APP: variants seen among roughly 807,000 people sequenced by gnomAD.
APP encodes the protein amyloid-beta precursor protein.
In APP, 31 loss-of-function variants were observed where a neutral mutation model predicts 101.4. That is an observed-to-expected ratio of 0.31 (90% CI 0.23 to 0.41). The LOEUF (loss-of-function observed/expected upper bound fraction) is 0.41. Among genes scored for constraint, APP ranks in the 10% least tolerant of loss-of-function variants. APP has a pLI of 1.00. For synonymous variants in APP, 366 were observed against 364.4 expected, an observed-to-expected ratio of 1.00 and a Z score of -0.05; for missense variants, 839 against 1,003.7, an observed-to-expected ratio of 0.84 and a Z score of 2.22.
intron 1 of APP, among the ~76,000 whole-genome samples, chr21:26,163,065 TA>T (rs140862192): frequency 8.7e-4 from 108 of 123,484 alleles, no homozygotes; most frequent in African/African-American, 1.0e-3. Context: ...CTGTCTCTAC[TA>T]AAAAAAAAAA....
chr21:25,912,210 G>T (rs2039111449), intron 13 of APP, among the ~76,000 whole-genome samples: 1 of 152,230 alleles, frequency 6.6e-6, no homozygotes, highest in African/African-American at 2.4e-5. Flanking sequence ...GCAGGCAGGA[G>T]CATGGCAGCC....
intron 3 of APP, among the ~76,000 whole-genome samples, chr21:26,075,534 T>G (rs961864617): frequency 6.6e-6 from 1 of 152,224 alleles, no homozygotes; most frequent in Non-Finnish European, 1.5e-5. Context: ...TAATCAGTTT[T>G]TTCCCCAATC....
chr21:26,140,299 C>T (rs1251105152), intron 1 of APP: 1 of 1,533,646 alleles, frequency 6.5e-7, no homozygotes, highest in Admixed American at 2.0e-5. Flanking sequence ...CACAACTTGA[C>T]CCAGGCCAGA....
intron 1 of APP, among the ~76,000 whole-genome samples, chr21:26,144,078 G>C (rs528637240): frequency 6.6e-6 from 1 of 152,222 alleles, no homozygotes; most frequent in East Asian, 1.9e-4. Flanking sequence ...TTCTTCACAT[G>C]GTGGCAGGAA....
intron 6 of APP, among the ~76,000 whole-genome samples, chr21:26,002,624 C>G (rs1353854747): frequency 6.6e-6 from 1 of 152,258 alleles, no homozygotes; most frequent in African/African-American, 2.4e-5. Context: ...AGAGCCTGCA[C>G]TGTGCCGGGA....
intron 2 of APP, among the ~76,000 whole-genome samples, chr21:26,111,577 A>T (rs1334151179): frequency 6.6e-6 from 1 of 151,084 alleles, no homozygotes; most frequent in Non-Finnish European, 1.5e-5. Flanking sequence ...CTCTACTAAA[A>T]ATTAAAAAAA....
intron 13 of APP, among the ~76,000 whole-genome samples, chr21:25,918,277 C>T (rs2146342827): frequency 6.6e-6 from 1 of 152,268 alleles, no homozygotes; most frequent in Non-Finnish European, 1.5e-5. Context: ...TGGAACCAAC[C>T]AAAATGTCCA....
At chr21:26,067,155 A>G (rs2046486905) in intron 3 of APP, among the ~76,000 whole-genome samples, 1 of 152,260 alleles carries the variant, frequency 6.6e-6, no homozygotes, top group African/African-American at 2.4e-5. Flanking sequence ...AGGTAAAAAG[A>G]AACAGGTAAA....
intron 2 of APP, among the ~76,000 whole-genome samples, chr21:26,108,379 C>T (rs1477254667): frequency 2.0e-5 from 3 of 152,160 alleles, no homozygotes; most frequent in East Asian, 1.9e-4. Context: ...CGGTATCTAT[C>T]TTACACTTAT....
intron 3 of APP, among the ~76,000 whole-genome samples, chr21:26,054,468 A>G (rs147316727): frequency 6.6e-6 from 1 of 152,274 alleles, no homozygotes; most frequent in African/African-American, 2.4e-5. Flanking sequence ...CCAGCAAGGC[A>G]TATTTGCAGC....
chr21:26,170,713 G>A lies in APP; in HGVS notation c.-93C>T. 1.5e-6 allele frequency: 2 copies of A among 1,325,650 alleles called. No individual in the cohort carries two copies. Among genetic ancestry groups the A allele is most frequent in the Non-Finnish European group, 2.0e-6 (2 of 1,012,700 alleles). The allele number at this position is 1,325,650 out of a possible 1,614,324, so 82.1% of individuals were successfully genotyped here. A position where few individuals can be genotyped will look rare whatever the true frequency, so the allele number is the denominator to read the frequency against. ...CGCGCCGCCACCGCCGCCGTCTCCC[G>A]GGGCCCCCGCGCACGCTCCTCCGCG... On this transcript the variant is annotated 5_prime_UTR_variant, in exon 1 of 18. Coordinates refer to ENST00000346798, the MANE Select transcript of APP (RefSeq NM_000484.4).
At chr21:26,037,572 C>A (rs545136663) in intron 5 of APP, among the ~76,000 whole-genome samples, 1 of 152,292 alleles carries the variant, frequency 6.6e-6, no homozygotes, top group South Asian at 2.1e-4. Flanking sequence ...TGAGTTATAT[C>A]TGAGGTTGGA....
At chr21:25,936,886 T>C (rs886087221) in intron 13 of APP, among the ~76,000 whole-genome samples, 2 of 152,136 alleles carry the variant, frequency 1.3e-5, no homozygotes, top group South Asian at 2.1e-4. Context: ...TCTTTTTCTT[T>C]TTTTCCTGAA....
chr21:26,026,798 A>G (rs1290814763), intron 5 of APP, among the ~76,000 whole-genome samples: 2 of 152,176 alleles, frequency 1.3e-5, no homozygotes, highest in African/African-American at 4.8e-5. Flanking sequence ...AGTTTTCCAA[A>G]CTCACAGAAT....
chr21:25,982,998 A>G (rs1293143731), intron 8 of APP, among the ~76,000 whole-genome samples: 4 of 278 alleles, frequency 0.014, no homozygotes, highest in Non-Finnish European at 0.037. Flanking sequence ...ATGAGACAGT[A>G]TGGAAACACG....
intron 1 of APP, among the ~76,000 whole-genome samples, chr21:26,150,606 C>CAGACAGATAGATAGATAGAT (rs2063246802): frequency 4.0e-5 from 6 of 148,576 alleles, no homozygotes; most frequent in African/African-American, 1.5e-4. Flanking sequence ...TCTAGATAGA[C>CAGACAGATAGATAGATAGAT]AGATAGATAG....
chr21:25,891,763 TCAG>T lies in APP; in HGVS notation c.2167_2169del (p.Leu723del). The T allele has an allele frequency of 1.2e-6, 2 of 1,614,188 alleles. No individual in the cohort carries two copies. The highest frequency in any genetic ancestry group is 4.5e-5 in the East Asian group (2 of 44,888). On this transcript the variant is annotated inframe_deletion, in exon 17 of 18. Transcript: ENST00000346798. ...TGAATGGATGTGTACTGTTTCTTCT[TCAG>T]CATCACCAAGGTGATGACGATCACT... is the stretch of plus-strand genomic sequence containing the variant.
intron 3 of APP, among the ~76,000 whole-genome samples, chr21:26,086,060 G>A (rs1350648054): frequency 6.6e-6 from 1 of 152,204 alleles, no homozygotes; most frequent in Non-Finnish European, 1.5e-5. Flanking sequence ...TCAGAGACAA[G>A]TACAGAAAAG....
At chr21:26,060,363 C>CA (rs2046223232) in intron 3 of APP, among the ~76,000 whole-genome samples, 1 of 152,290 alleles carries the variant, frequency 6.6e-6, no homozygotes, top group East Asian at 1.9e-4. Context: ...TCTGAGTGAT[C>CA]AACTCTTTCA....
Sources: gnomAD v4.1 joint callset for allele counts (sites outside exome capture counted in the v4.1 genomes callset) on GRCh38, gnomAD v4.1.1 for gene constraint, MANE v1.5 for transcripts, NCBI Gene and HGNC (gene_info 2026-07-23, HGNC 2026-07-21) for gene names.